Variants in PPP4R3A observed in about 807,000 individuals in gnomAD.
PPP4R3A encodes protein phosphatase 4 regulatory subunit 3A.
In PPP4R3A, 15 loss-of-function variants were observed where a neutral mutation model predicts 91.7. The observed-to-expected ratio is 0.16, with a 90% CI of 0.11 to 0.25. The LOEUF (loss-of-function observed/expected upper bound fraction) is 0.25. PPP4R3A is among the 10% of genes least tolerant of loss of function. PPP4R3A has a pLI of 1.00. For synonymous variants in PPP4R3A, 377 were observed against 348.7 expected (o/e 1.08, Z -0.91); for missense variants, 623 against 998.4 (o/e 0.62, Z 5.07).
Position 91,485,689 on chromosome 14 carries a change from C to T in PPP4R3A, c.240G>A (p.Leu80=), listed in dbSNP as rs1225896706. 1 of 1,607,234 alleles carries T rather than the reference C, an allele frequency of 6.2e-7. No homozygotes were observed. The highest frequency in any genetic ancestry group is 1.7e-5 in the Admixed American group (1 of 59,970). Residue 80 remains leucine, a synonymous_variant, in exon 3 of 15, where the codon TTG becomes TTA. Transcript: ENST00000554943. ...CAGCTTTTTCTTGAAAGCTAAGGGC[C>T]AAGTCATAATTTTCTGCTTCAGACC... ...IVWSEAENYD[L]ALSFQEKAGC... is the part of the protein sequence containing the mutation.
At chr14:91,485,606 G>A (rs912417746) in intron 3 of PPP4R3A, 26 bp downstream of exon 3, 2 of 1,520,736 alleles carry the variant, frequency 1.3e-6, no homozygotes, top group African/African-American at 1.4e-5. Flanking sequence ...AAGAAAGCAT[G>A]TTGATTTTTT....
At chr14:91,506,424 G>C (rs754213014) in intron 1 of PPP4R3A, among the ~76,000 whole-genome samples, 1 of 152,178 alleles carries the variant, frequency 6.6e-6, no homozygotes, top group Admixed American at 6.5e-5. Context: ...AAAGAGTTTG[G>C]CACATAGTAG....
At chr14:91,506,070 T>C (rs1891273757) in intron 1 of PPP4R3A, among the ~76,000 whole-genome samples, 1 of 152,086 alleles carries the variant, frequency 6.6e-6, no homozygotes, top group South Asian at 2.1e-4. Flanking sequence ...CTCAGCCTCC[T>C]GAGCAGCTGG....
chr14:91,471,708 C>G (rs1888844378), intron 9 of PPP4R3A, among the ~76,000 whole-genome samples: 1 of 152,116 alleles, frequency 6.6e-6, no homozygotes, highest in African/African-American at 2.4e-5. Context: ...GGACTTGATT[C>G]TGGAGTTACA....
At chr14:91,507,220 C>G (rs897180894) in intron 1 of PPP4R3A, among the ~76,000 whole-genome samples, 2 of 151,010 alleles carry the variant, frequency 1.3e-5, no homozygotes, top group African/African-American at 4.9e-5. Context: ...ACTAAGGAGG[C>G]TGAGGTAGGA....
chr14:91,484,935 T>C (rs1397198521), intron 3 of PPP4R3A, among the ~76,000 whole-genome samples: 1 of 151,880 alleles, frequency 6.6e-6, no homozygotes, highest in African/African-American at 2.4e-5. Context: ...CTAGGGAAAC[T>C]CCAGAATAAA....
At chr14:91,462,293 G>A (rs573987110) in intron 12 of PPP4R3A, 54 bp from the exon 13 acceptor site, 3 of 1,416,432 alleles carry the variant, frequency 2.1e-6, no homozygotes, top group African/African-American at 3.0e-5. Flanking sequence ...TAATTGTACT[G>A]TTACAGATGA....
chr14:91,496,343 G>C (rs1326376866), intron 1 of PPP4R3A, among the ~76,000 whole-genome samples: 1 of 152,122 alleles, frequency 6.6e-6, no homozygotes, highest in African/African-American at 2.4e-5. Flanking sequence ...GAAACACATA[G>C]CACAGGGGAT....
rs71120151 is a variant in PPP4R3A, at chr14:91,493,773, CTTTTTT to C, written c.143-2977_143-2972del. On this transcript the variant is annotated intron_variant, in intron 1 of 14. Transcript: ENST00000554943. ...TAAAGTACATTATGGATCAATATTA[CTTTTTT>C]TTTTTTTTTTGAGACGGAGTTTCAC... Among the ~76,000 whole-genome samples, 9 of 119,842 alleles carry C rather than the reference CTTTTTT, an allele frequency of 7.5e-5. 1 individual carries two copies. The Admixed American group carries it at 7.6e-4, about 10-fold the overall frequency. The allele number at this position is 119,842 out of a possible 152,430, so 78.6% of individuals were successfully genotyped here. A position where few individuals can be genotyped will look rare whatever the true frequency, so the allele number is the denominator to read the frequency against.
intron 1 of PPP4R3A, among the ~76,000 whole-genome samples, chr14:91,497,417 C>T (rs892234534): frequency 4.6e-5 from 7 of 151,692 alleles, no homozygotes; most frequent in Non-Finnish European, 8.8e-5. Flanking sequence ...GACATTGTCA[C>T]AAAGACCAAG....
chr14:91,475,953 G>T lies in PPP4R3A; in HGVS notation c.1124C>A (p.Thr375Lys). ...ALEVILGMDDTQVRSAATDIF... is the reference protein window; with the variant it reads ...ALEVILGMDDKQVRSAATDIF... ...ATCAGTAGCAGCACTTCGCACCTGTGTATCATCCATGCCCTGCAGACAAAA... is the reference window on the plus strand; with the variant it reads ...ATCAGTAGCAGCACTTCGCACCTGTTTATCATCCATGCCCTGCAGACAAAA... Residue 375 changes from threonine to lysine, a missense_variant, in exon 7 of 15, where the codon ACA becomes AAA. By Grantham distance (78) the Thr-to-Lys change is moderately conservative. Around this residue, in one of 5 missense-constraint regions of PPP4R3A, gnomAD observed 264 missense variants for 377.3 expected, o/e 0.70. Transcript: ENST00000554943. 3 of 1,584,612 alleles carry T rather than the reference G, an allele frequency of 1.9e-6. No individual in the cohort carries two copies. The highest frequency in any genetic ancestry group is 2.6e-6 in the Non-Finnish European group (3 of 1,171,108).
intron 11 of PPP4R3A, 47 bp from the exon 12 acceptor site, chr14:91,462,924 T>TGCTAAAATGAC: frequency 6.8e-7 from 1 of 1,469,800 alleles, no homozygotes; most frequent in Non-Finnish European, 9.2e-7. Context: ...AATGTCATTT[T>TGCTAAAATGAC]AGCAAGATGA....
At chr14:91,479,534 A>AT (rs1426295567) in intron 4 of PPP4R3A, among the ~76,000 whole-genome samples, 1 of 150,924 alleles carries the variant, frequency 6.6e-6, no homozygotes, top group East Asian at 1.9e-4. Flanking sequence ...TACCTGGCTA[A>AT]TTTAAAAAAA....
chr14:91,501,871 ATTTT>A (rs755484959), intron 1 of PPP4R3A, among the ~76,000 whole-genome samples: 3 of 100,236 alleles, frequency 3.0e-5, no homozygotes, highest in African/African-American at 7.8e-5. Flanking sequence ...AGCCCGGCTA[ATTTT>A]TTTTTTTTTT....
intron 3 of PPP4R3A, among the ~76,000 whole-genome samples, chr14:91,482,643 A>C (rs959409294): frequency 6.6e-6 from 1 of 152,246 alleles, no homozygotes; most frequent in African/African-American, 2.4e-5. Flanking sequence ...TTTAACTCTG[A>C]GGTGAAGACC....
chr14:91,509,708 G>T lies in PPP4R3A; in HGVS notation c.-61C>A, dbSNP rs1331028236. On this transcript the variant is annotated 5_prime_UTR_variant, in exon 1 of 15. Coordinates refer to ENST00000554943, the MANE Select transcript of PPP4R3A (RefSeq NM_001366432.2). ...GTAGACGCCCAGGAAAGGGGCCCTG[G>T]AGAGGCGAGGGGCGAGGCGTGAGGG... 1 of 1,551,654 alleles carries T rather than the reference G, an allele frequency of 6.4e-7. No homozygotes were observed. The highest frequency in any genetic ancestry group is 1.4e-5 in the African/African-American group (1 of 72,566).
intron 10 of PPP4R3A, among the ~76,000 whole-genome samples, chr14:91,465,898 T>TTGTGGA (rs1888448446): frequency 6.6e-6 from 1 of 152,244 alleles, no homozygotes; most frequent in Admixed American, 6.5e-5. Context: ...TTTTATTTAT[T>TTGTGGA]TGTGGATGTG....
At chr14:91,504,156 T>C (rs1891132386) in intron 1 of PPP4R3A, among the ~76,000 whole-genome samples, 1 of 141,644 alleles carries the variant, frequency 7.1e-6, no homozygotes, top group Non-Finnish European at 1.5e-5. Flanking sequence ...CCCCCTTCCA[T>C]CTCTTAAAAA....
intron 2 of PPP4R3A, among the ~76,000 whole-genome samples, chr14:91,487,119 G>A (rs1345409574): frequency 3.3e-5 from 5 of 150,600 alleles, no homozygotes; most frequent in East Asian, 2.0e-4. Flanking sequence ...GCATGATGGC[G>A]GATGCCTGTA....
Sources: allele counts gnomAD v4.1 joint callset (sites outside exome capture counted in the v4.1 genomes callset), GRCh38; gene constraint gnomAD v4.1.1; regional missense constraint gnomAD v4.1.1; transcripts MANE v1.5; gene names NCBI Gene and HGNC (gene_info 2026-07-23, HGNC 2026-07-21).